Variants in PRKG1 observed in about 807,000 individuals in gnomAD.
The protein encoded by PRKG1 is cGMP-dependent protein kinase 1.
Under a neutral mutation model 88.1 loss-of-function variants are expected in PRKG1, and 35 were observed. The observed-to-expected ratio is 0.40, with a 90% CI of 0.30 to 0.53. The LOEUF is 0.53. PRKG1 is among the 20% of genes least tolerant of loss of function. The pLI is 0.59. For synonymous variants in PRKG1, 303 were observed against 292.5 expected (o/e 1.04, Z -0.37); for missense variants, 540 against 839.8 (o/e 0.64, Z 4.41).
chr10:51,933,131 G>A (rs1052673374), intron 5 of PRKG1, among the ~76,000 whole-genome samples: 6 of 152,086 alleles, frequency 3.9e-5, no homozygotes, highest in Non-Finnish European at 8.8e-5. Flanking sequence ...ACTATACTGT[G>A]TTTCCTAATT....
chr10:52,078,516 A>G (rs752252637), intron 7 of PRKG1, among the ~76,000 whole-genome samples: 1 of 152,202 alleles, frequency 6.6e-6, no homozygotes, highest in Non-Finnish European at 1.5e-5. Context: ...ATACACTACC[A>G]TGAGCTAACC....
intron 2 of PRKG1, among the ~76,000 whole-genome samples, chr10:51,337,047 T>C (rs2132540584): frequency 6.6e-6 from 1 of 152,214 alleles, no homozygotes; most frequent in East Asian, 1.9e-4. Flanking sequence ...AGCATGGTAC[T>C]GTTACAAAAG....
chr10:51,429,807 CAGA>C (rs533129573), intron 2 of PRKG1, among the ~76,000 whole-genome samples: 218 of 148,666 alleles, frequency 1.5e-3, no homozygotes, highest in African/African-American at 5.1e-3. Flanking sequence ...AAAAAAAAAA[CAGA>C]AGAAGGAAAA....
chr10:51,454,197 T>G (rs1035576144), intron 2 of PRKG1, among the ~76,000 whole-genome samples: 1 of 151,834 alleles, frequency 6.6e-6, no homozygotes, highest in Admixed American at 6.6e-5. Context: ...TCAATGCAAT[T>G]CCCATCAAAA....
At chr10:51,876,121 A>G (rs1374959758) in intron 4 of PRKG1, among the ~76,000 whole-genome samples, 1 of 152,160 alleles carries the variant, frequency 6.6e-6, no homozygotes, top group Admixed American at 6.5e-5. Flanking sequence ...CTCTTTTCCT[A>G]AAGAGAGCTA....
intron 4 of PRKG1, among the ~76,000 whole-genome samples, chr10:51,815,376 T>C (rs766366205): frequency 1.3e-5 from 2 of 152,182 alleles, no homozygotes; most frequent in African/African-American, 2.4e-5. Flanking sequence ...AACAAACAAA[T>C]TCAGAGAGAA....
intron 3 of PRKG1, among the ~76,000 whole-genome samples, chr10:51,733,772 G>A (rs886728657): frequency 6.6e-6 from 1 of 152,256 alleles, no homozygotes; most frequent in East Asian, 1.9e-4. Context: ...CATGATGCTA[G>A]CACTTTTGAT....
chr10:51,301,444 A>G (rs1408746317), intron 2 of PRKG1, among the ~76,000 whole-genome samples: 3 of 142,190 alleles, frequency 2.1e-5, no homozygotes, highest in African/African-American at 9.4e-5. Context: ...GAAGTAGGGG[A>G]AAAAATATAC....
At chr10:51,912,854 G>A (rs1040705020) in intron 5 of PRKG1, among the ~76,000 whole-genome samples, 2 of 151,826 alleles carry the variant, frequency 1.3e-5, no homozygotes, top group Non-Finnish European at 2.9e-5. Flanking sequence ...TATAGTACAG[G>A]AATGAATCTC....
At chr10:51,379,590 A>G (rs1024699132) in intron 2 of PRKG1, among the ~76,000 whole-genome samples, 3 of 152,298 alleles carry the variant, frequency 2.0e-5, no homozygotes, top group South Asian at 2.1e-4. Context: ...CTGTAGCTGG[A>G]CATTTTGGTT....
chr10:51,614,106 A>G (rs1838982926), intron 3 of PRKG1, among the ~76,000 whole-genome samples: 1 of 151,660 alleles, frequency 6.6e-6, no homozygotes. Flanking sequence ...ATACCCAACT[A>G]TTACTGTATT....
rs528769021 is a variant in PRKG1, at chr10:52,043,768, A to G, written c.763-10716A>G. Among the ~76,000 whole-genome samples, 6 of 152,104 alleles carry G rather than the reference A, an allele frequency of 3.9e-5. 1 individual carries two copies. Among genetic ancestry groups the G allele is most frequent in the African/African-American group, 1.4e-4 (6 of 41,554 alleles). On this transcript the variant is annotated intron_variant, in intron 5 of 17. Coordinates refer to ENST00000373980, the MANE Select transcript of PRKG1 (RefSeq NM_006258.4). ...CCTGATTTGAACATTACACATGTATATATATGTATTGAAACATCACATTTT... is the reference window on the plus strand; with the variant it reads ...CCTGATTTGAACATTACACATGTATGTATATGTATTGAAACATCACATTTT...
intron 3 of PRKG1, among the ~76,000 whole-genome samples, chr10:51,500,676 T>C (rs1840997795): frequency 6.6e-6 from 1 of 152,204 alleles, no homozygotes; most frequent in Non-Finnish European, 1.5e-5. Context: ...TCTGTTGTTC[T>C]GGCTACCAAA....
At chr10:51,126,814 C>G (rs1348975324) in intron 1 of PRKG1, among the ~76,000 whole-genome samples, 1 of 152,078 alleles carries the variant, frequency 6.6e-6, no homozygotes, top group Non-Finnish European at 1.5e-5. Flanking sequence ...CACTACACGT[C>G]TACAACCATC....
intron 2 of PRKG1, among the ~76,000 whole-genome samples, chr10:51,405,850 C>T (rs543514902): frequency 3.9e-5 from 6 of 152,052 alleles, no homozygotes; most frequent in East Asian, 1.9e-4. Context: ...TAGGGAGATA[C>T]GGCAAGTTCC....
intron 1 of PRKG1, among the ~76,000 whole-genome samples, chr10:51,026,377 T>A (rs1352909133): frequency 6.6e-6 from 1 of 152,140 alleles, no homozygotes; most frequent in African/African-American, 2.4e-5. Flanking sequence ...TCTTTTTCAG[T>A]CTCTCCAAAT....
At chr10:51,431,990 C>T (rs1404353001) in intron 2 of PRKG1, among the ~76,000 whole-genome samples, 3 of 152,110 alleles carry the variant, frequency 2.0e-5, no homozygotes, top group Admixed American at 6.6e-5. Context: ...CGTACATTGA[C>T]ATTTGGCAGC....
At chr10:52,006,622 G>A (rs1564426095) in intron 5 of PRKG1, among the ~76,000 whole-genome samples, 1 of 152,046 alleles carries the variant, frequency 6.6e-6, no homozygotes, top group Admixed American at 6.6e-5. Context: ...CAAGAAATAT[G>A]GGATTACATA....
intron 9 of PRKG1, among the ~76,000 whole-genome samples, chr10:52,180,412 G>A (rs925576274): frequency 7.2e-5 from 11 of 152,136 alleles, no homozygotes; most frequent in East Asian, 3.8e-4. Context: ...CATTTTGAAC[G>A]TTCATTTGGA....
Sources: gnomAD v4.1 joint callset for allele counts (sites outside exome capture counted in the v4.1 genomes callset) on GRCh38, gnomAD v4.1.1 for gene constraint, MANE v1.5 for transcripts, NCBI Gene and HGNC (gene_info 2026-07-23, HGNC 2026-07-21) for gene names.